ALDH1B1: variants seen among roughly 807,000 people sequenced by gnomAD.
The protein encoded by ALDH1B1 is aldehyde dehydrogenase 1 family member B1.
ALDH1B1 carries 19 observed loss-of-function variants against 26.2 expected under a neutral mutation model. That is an observed-to-expected ratio of 0.72 (90% confidence interval 0.51 to 1.06). The LOEUF is 1.06. ALDH1B1 is among the 50% of genes least tolerant of loss of function. ALDH1B1 has a pLI of 0.00. For missense variants in ALDH1B1, 671 were observed against 683.1 expected (o/e 0.98, Z 0.20); for synonymous variants, 249 against 286.0 (o/e 0.87, Z 1.31).
intron 1 of ALDH1B1, chr9:38,394,431 G>A (rs1378175968): frequency 4.7e-6 from 1 of 213,338 alleles, no homozygotes; most frequent in Non-Finnish European, 8.0e-6. Context: ...TAGAACTACA[G>A]GCATGCACCA....
intron 1 of ALDH1B1, among the ~76,000 whole-genome samples, chr9:38,395,252 T>C (rs552693620): frequency 6.6e-5 from 10 of 152,330 alleles, no homozygotes; most frequent in Admixed American, 6.5e-4. Context: ...CATTCAGTAC[T>C]GTGTGTTGAG....
At chr9:38,392,929 T>A in intron 1 of ALDH1B1, 122 bp downstream of exon 1, 1 of 983,386 alleles carries the variant, frequency 1.0e-6, no homozygotes, top group South Asian at 4.7e-5. Context: ...GCCGTTGCAC[T>A]GTAGGACTCT....
Position 38,396,540 on chromosome 9 carries a change from C to T in ALDH1B1, c.792C>T (p.Thr264=), listed in dbSNP as rs749247146. Residue 264 remains threonine (T), a synonymous_variant, in exon 2 of 2, where the codon ACC becomes ACT. Coordinates refer to ENST00000377698, the MANE Select transcript of ALDH1B1 (RefSeq NM_000692.5). ...ACAAAGTTGCCTTCACCGGTTCCAC[C>T]GAGGTGGGCCACCTGATCCAGAAAG... The part of the protein sequence containing the change: ...DVDKVAFTGS[T]EVGHLIQKAA... The T allele has an allele frequency of 1.4e-5, 22 of 1,613,738 alleles. No homozygotes were observed. In the Admixed American group the frequency reaches 1.7e-4, roughly 12 times the overall value.
chr9:38,397,260 G>C lies in ALDH1B1; in HGVS notation c.1512G>C (p.Glu504Asp). The C allele has an allele frequency of 6.2e-7, 1 of 1,613,934 alleles. No homozygotes were observed. ...LGEDGLKAYT[E>D]VKTVTIKVPQ... is the part of the protein sequence containing the mutation. ...AGGATGGGCTTAAGGCCTACACAGA[G>C]GTAAAGACGGTCACCATCAAGGTTC... Residue 504 changes from glutamate to aspartate, a missense_variant, in exon 2 of 2, where the codon GAG becomes GAC. By Grantham distance (45) the Glu-to-Asp change is conservative. Transcript: ENST00000377698.
chr9:38,396,322 CA>C lies in ALDH1B1; in HGVS notation c.575del (p.Gln192ArgfsTer17). ...IIPWNFPLVM[Q>X]GWKLAPALAT... is the part of the protein sequence containing the mutation. ...CCCGTGGAACTTCCCCTTGGTCATG[CA>C]GGGTTGGAAACTTGCCCCGGCACTC... On this transcript the variant is annotated frameshift_variant, in exon 2 of 2. Coordinates refer to ENST00000377698, the MANE Select transcript of ALDH1B1 (RefSeq NM_000692.5). LOFTEE classifies it high-confidence loss of function. 6.2e-7 allele frequency: 1 copy of C among 1,614,082 alleles called. No homozygotes were observed. Among genetic ancestry groups the C allele is most frequent in the Non-Finnish European group, 8.5e-7 (1 of 1,180,030 alleles).
Position 38,397,123 on chromosome 9 carries a change from TTCACCCAGGCACTCCAGGC to T in ALDH1B1, c.1376_1394del (p.Phe459SerfsTer6). ...CCGGGATCTGGACAAGGCCATGTAC[TTCACCCAGGCACTCCAGGC>T]CGGGACCGTGTGGGTAAACACCTAC... On this transcript the variant is annotated frameshift_variant, in exon 2 of 2. Coordinates refer to ENST00000377698, the MANE Select transcript of ALDH1B1 (RefSeq NM_000692.5). LOFTEE classifies it high-confidence loss of function. 6.2e-7 allele frequency: 1 copy of T among 1,614,170 alleles called. No homozygotes were observed. The highest frequency in any genetic ancestry group is 1.3e-5 in the African/African-American group (1 of 75,026).
chr9:38,393,817 C>A (rs931342346), intron 1 of ALDH1B1, among the ~76,000 whole-genome samples: 1 of 80,462 alleles, frequency 1.2e-5, no homozygotes, highest in Non-Finnish European at 2.9e-5. Context: ...TTCTTAGTAT[C>A]CCCCCCTTTT....
chr9:38,392,788 G>A lies in ALDH1B1; in HGVS notation c.-29G>A, dbSNP rs1455030553. ...CAGAACCCAAGCGTGATCCTGAACC[G>A]GAGCCCGAGCCTGCTGCAGGTAACT... is the stretch of plus-strand genomic sequence containing the variant. On this transcript the variant is annotated 5_prime_UTR_variant, in exon 1 of 2. Transcript: ENST00000377698. 2 of 985,546 alleles carry A rather than the reference G, an allele frequency of 2.0e-6. No individual in the cohort carries two copies. The highest frequency in any genetic ancestry group is 3.5e-5 in the African/African-American group (2 of 57,248). The allele number at this position is 985,546 out of a possible 1,614,324, so 61.1% of individuals were successfully genotyped here. A position where few individuals can be genotyped will look rare whatever the true frequency, so the allele number is the denominator to read the frequency against.
At position 38,397,255 on chromosome 9, in the gene ALDH1B1, A is replaced by G. The variant is rs1260390451; in HGVS notation, c.1507A>G (p.Thr503Ala). The change falls in exon 2 of 2, where the codon ACA becomes GCA. Residue 503 changes from threonine to alanine, a missense_variant. Coordinates refer to ENST00000377698, the MANE Select transcript of ALDH1B1 (RefSeq NM_000692.5). ...ELGEDGLKAY[T>A]EVKTVTIKVP... is the part of the protein sequence containing the mutation. ...GGGTGAGGATGGGCTTAAGGCCTAC[A>G]CAGAGGTAAAGACGGTCACCATCAA... 6.2e-7 allele frequency: 1 copy of G among 1,614,180 alleles called. No homozygotes were observed.
Position 38,396,192 on chromosome 9 carries a change from C to A in ALDH1B1, c.444C>A (p.Tyr148Ter), listed in dbSNP as rs1821280037. 1 of 1,614,106 alleles carries A rather than the reference C, an allele frequency of 6.2e-7. No homozygotes were observed. The highest frequency in any genetic ancestry group is 8.5e-7 in the Non-Finnish European group (1 of 1,180,050). Residue 148 changes from tyrosine (Y) to a stop codon, truncating the protein, a stop_gained, in exon 2 of 2, where the codon TAC becomes TAA. Transcript: ENST00000377698. LOFTEE classifies it high-confidence loss of function. ...ATGAGGTCATCAAGGTGTATCGGTACTTTGCTGGCTGGGCTGACAAGTGGC... is the reference window on the plus strand; with the variant it reads ...ATGAGGTCATCAAGGTGTATCGGTAATTTGCTGGCTGGGCTGACAAGTGGC... Reference protein sequence around the residue: ...DLDEVIKVYRYFAGWADKWHG... With the variant: ...DLDEVIKVYR
Position 38,397,190 on chromosome 9 carries a change from C to T in ALDH1B1, c.1442C>T (p.Pro481Leu), listed in dbSNP as rs746577861. The change falls in exon 2 of 2, where the codon CCA (proline) becomes CTA (leucine). Residue 481 changes from proline to leucine, a missense_variant. Pro to Leu is a moderately conservative substitution (Grantham distance 98). Coordinates refer to ENST00000377698, the MANE Select transcript of ALDH1B1 (RefSeq NM_000692.5). ...NTYNIVTCHT[P>L]FGGFKESGNG... Reference sequence around the variant, plus strand: ...TACAACATCGTCACCTGCCACACGCCATTTGGAGGGTTTAAGGAATCTGGA... The same window carrying T: ...TACAACATCGTCACCTGCCACACGCTATTTGGAGGGTTTAAGGAATCTGGA... 5 of 1,614,030 alleles carry T rather than the reference C, an allele frequency of 3.1e-6. No individual in the cohort carries two copies. In the East Asian group the frequency reaches 1.1e-4, roughly 36 times the overall value.
rs1821318226 is a variant in ALDH1B1, at chr9:38,397,508, C to A, written c.*206C>A. 1 of 717,886 alleles carries A rather than the reference C, an allele frequency of 1.4e-6. No homozygotes were observed. Among genetic ancestry groups the A allele is most frequent in the Non-Finnish European group, 2.2e-6 (1 of 452,268 alleles). The allele number at this position is 717,886 out of a possible 1,614,324, so 44.5% of individuals were successfully genotyped here. On this transcript the variant is annotated 3_prime_UTR_variant, in exon 2 of 2. Transcript: ENST00000377698. ...CAGGCTCAGAGTTCTACCTATCTAA[C>A]CCCCAACCACAGCCCCCTTGGTGGC...
rs775145119 is a variant in ALDH1B1, at chr9:38,395,823, C to T, written c.75C>T (p.Leu25=). 3.1e-6 allele frequency: 5 copies of T among 1,612,900 alleles called. No individual in the cohort carries two copies. In the South Asian group the frequency reaches 4.4e-5, roughly 14 times the overall value. Residue 25 remains leucine, a synonymous_variant, in exon 2 of 2, where the codon CTC becomes CTT. Transcript: ENST00000377698. ...CCCGCTACTCCTCGGCAGCAGCCCT[C>T]CCAAGCCCCATTCTGAACCCAGACA... The part of the protein sequence containing the change: ...RTARYSSAAA[L]PSPILNPDIP...
At position 38,396,922 on chromosome 9, in the gene ALDH1B1, G is replaced by T. The variant is rs142311601; in HGVS notation, c.1174G>T (p.Gly392Trp). 1 of 1,614,156 alleles carries T rather than the reference G, an allele frequency of 6.2e-7. No individual in the cohort carries two copies. The highest frequency in any genetic ancestry group is 8.5e-7 in the Non-Finnish European group (1 of 1,180,036). ...ACTCCTCTGTGGCGGAGAGCGTTTC[G>T]GGGAGCGTGGTTTCTTCATCAAGCC... is the stretch of plus-strand genomic sequence containing the variant. ...AKLLCGGERFGERGFFIKPTV... is the reference protein window; with the variant it reads ...AKLLCGGERFWERGFFIKPTV... The change falls in exon 2 of 2, where the codon GGG becomes TGG. Residue 392 changes from glycine to tryptophan, a missense_variant. By Grantham distance (184) the Gly-to-Trp change is radical (BLOSUM62 -2). Coordinates refer to ENST00000377698, the MANE Select transcript of ALDH1B1 (RefSeq NM_000692.5).
At chr9:38,394,050 C>T (rs771021250) in intron 1 of ALDH1B1, among the ~76,000 whole-genome samples, 10 of 152,092 alleles carry the variant, frequency 6.6e-5, no homozygotes, top group Non-Finnish European at 1.2e-4. Context: ...TTAGATTGTA[C>T]GACCTGACCC....
rs766924091 is a variant in ALDH1B1, at chr9:38,396,729, G to GGAA, written c.985_987dup (p.Glu329dup). 6.2e-7 allele frequency: 1 copy of GGAA among 1,614,212 alleles called. No homozygotes were observed. Among genetic ancestry groups the GGAA allele is most frequent in the Non-Finnish European group, 8.5e-7 (1 of 1,180,046 alleles). ...GCTGTGCTGGCTCCCGGACCTTCGT[G>GGAA]GAAGAATCCATCTACAATGAGTTTC... On this transcript the variant is annotated inframe_insertion, in exon 2 of 2. Transcript: ENST00000377698.
intron 1 of ALDH1B1, 147 bp from the exon 2 acceptor site, chr9:38,395,593 A>G (rs1350804449): frequency 8.6e-7 from 1 of 1,156,192 alleles, no homozygotes; most frequent in Non-Finnish European, 1.2e-6. Flanking sequence ...AGAGTTCATC[A>G]GGGCCCTCAC....
At chr9:38,394,809 C>T (rs4646771) in intron 1 of ALDH1B1, among the ~76,000 whole-genome samples, 33,568 of 152,038 alleles carry the variant, frequency 0.22, 3,887 homozygotes, top group East Asian at 0.4. Context: ...TCTGGGAACA[C>T]TACACTCTGT....
chr9:38,393,102 A>G (rs1214394261), intron 1 of ALDH1B1, among the ~76,000 whole-genome samples: 1 of 152,254 alleles, frequency 6.6e-6, no homozygotes, highest in East Asian at 1.9e-4. Context: ...GGCTTGGACA[A>G]GCCCAAAGGT....
Sources: gnomAD v4.1 joint callset for allele counts (sites outside exome capture counted in the v4.1 genomes callset) on GRCh38, gnomAD v4.1.1 for gene constraint, MANE v1.5 for transcripts, NCBI Gene and HGNC (gene_info 2026-07-23, HGNC 2026-07-21) for gene names.